SLC26A7: variants seen among roughly 807,000 people sequenced by gnomAD.
The protein encoded by SLC26A7 is solute carrier family 26 member 7.
Under a neutral mutation model 82.5 loss-of-function variants are expected in SLC26A7, and 59 were observed. That is an observed-to-expected ratio of 0.72 (90% CI 0.58 to 0.89). The LOEUF (loss-of-function observed/expected upper bound fraction) is 0.89. Among genes scored for constraint, SLC26A7 ranks in the 40% least tolerant of loss-of-function variants. The pLI is 0.00. For missense variants in SLC26A7, 820 were observed against 793.0 expected, an observed-to-expected ratio of 1.03 and a Z score of -0.41; for synonymous variants, 271 against 274.3, an observed-to-expected ratio of 0.99 and a Z score of 0.12.
At chr8:91,385,166 A>G (rs1814767679) in intron 15 of SLC26A7, among the ~76,000 whole-genome samples, 2 of 152,086 alleles carry the variant, frequency 1.3e-5, no homozygotes, top group South Asian at 4.2e-4. Context: ...AAAGCCCATC[A>G]TTTACCACAT....
At chr8:91,383,299 A>G (rs1414981454) in intron 15 of SLC26A7, among the ~76,000 whole-genome samples, 2 of 152,166 alleles carry the variant, frequency 1.3e-5, no homozygotes, top group Non-Finnish European at 2.9e-5. Flanking sequence ...CAAACTGGGA[A>G]TAATAGGGAA....
At chr8:91,342,864 A>T (rs184928767) in intron 8 of SLC26A7, among the ~76,000 whole-genome samples, 78 of 152,216 alleles carry the variant, frequency 5.1e-4, no homozygotes, top group African/African-American at 1.7e-3. Context: ...AAAGAACCAC[A>T]AAAGGCATTA....
chr8:91,366,521 T>C, intron 13 of SLC26A7, 59 bp from the exon 14 acceptor site: 1 of 1,559,614 alleles, frequency 6.4e-7, no homozygotes, highest in South Asian at 1.2e-5. Context: ...TTAGATCTGA[T>C]TGTTTATTGG....
chr8:91,360,890 T>C (rs1814031223), intron 11 of SLC26A7, among the ~76,000 whole-genome samples: 1 of 152,120 alleles, frequency 6.6e-6, no homozygotes, highest in South Asian at 2.1e-4. Flanking sequence ...AGCCTTGTTT[T>C]GTATATGATT....
intron 15 of SLC26A7, among the ~76,000 whole-genome samples, chr8:91,376,543 G>A (rs1044664171): frequency 1.2e-4 from 19 of 152,164 alleles, no homozygotes; most frequent in African/African-American, 4.1e-4. Context: ...GATGCTGCCT[G>A]TTGTAGTGAT....
chr8:91,233,433 G>A (rs568871357), intron 2 of SLC26A7, among the ~76,000 whole-genome samples: 4 of 152,110 alleles, frequency 2.6e-5, no homozygotes, highest in South Asian at 4.2e-4. Context: ...TGGGCATGGC[G>A]GCACACACCT....
chr8:91,393,626 C>G (rs1241262874), intron 16 of SLC26A7, among the ~76,000 whole-genome samples, 171 bp from the exon 17 acceptor site: 1 of 152,108 alleles, frequency 6.6e-6, no homozygotes, highest in Non-Finnish European at 1.5e-5. Flanking sequence ...TAATCTTAGT[C>G]TTTTAGACGC....
intron 2 of SLC26A7, among the ~76,000 whole-genome samples, chr8:91,232,817 C>T (rs13252561): frequency 0.5 from 75,942 of 152,054 alleles, 20,405 homozygotes; most frequent in South Asian, 0.7. Context: ...TCAATCTAAA[C>T]AAAATGTTGC....
rs398008754 is a variant in SLC26A7, at chr8:91,391,815, T to TTTA, written c.1777-1982_1777-1981insTTA. ...AGAAACACTAGGATTTTTTTTTTTT[T>TTTA]AAACTGGGAAAGGCCAGTATGGTTT... On this transcript the variant is annotated intron_variant, in intron 16 of 18. Coordinates refer to ENST00000276609, the MANE Select transcript of SLC26A7 (RefSeq NM_052832.4). 4.8e-3 allele frequency among the ~76,000 whole-genome samples: 736 copies of TTTA among 151,920 alleles called. 8 individuals carry two copies. Among genetic ancestry groups the TTTA allele is most frequent in the African/African-American group, 0.016 (676 of 41,476 alleles).
At chr8:91,317,074 C>A (rs1343417000) in intron 4 of SLC26A7, among the ~76,000 whole-genome samples, 1 of 138,916 alleles carries the variant, frequency 7.2e-6, no homozygotes, top group African/African-American at 2.7e-5. Flanking sequence ...ATGGGAGGAT[C>A]ACTTGAGCCT....
intron 11 of SLC26A7, among the ~76,000 whole-genome samples, chr8:91,356,242 C>T (rs1387797573): frequency 6.6e-6 from 1 of 152,100 alleles, no homozygotes; most frequent in Admixed American, 6.5e-5. Flanking sequence ...TGGTATATAC[C>T]CAGTAATGGG....
intron 2 of SLC26A7, among the ~76,000 whole-genome samples, chr8:91,268,289 A>G (rs1323493763): frequency 6.6e-6 from 1 of 151,806 alleles, no homozygotes; most frequent in African/African-American, 2.4e-5. Flanking sequence ...ATTTATTAAT[A>G]TTTGATTTAT....
intron 2 of SLC26A7, among the ~76,000 whole-genome samples, chr8:91,265,787 T>G (rs1229612570): frequency 2.0e-5 from 3 of 151,924 alleles, no homozygotes; most frequent in Non-Finnish European, 4.4e-5. Context: ...CTTTCTAGTT[T>G]TTTTGGTTTT....
chr8:91,288,320 G>A (rs1055142951), intron 2 of SLC26A7, among the ~76,000 whole-genome samples: 41 of 152,026 alleles, frequency 2.7e-4, no homozygotes, highest in African/African-American at 6.0e-4. Context: ...TGAATTTGTC[G>A]TTCCAAGGAT....
At chr8:91,320,464 G>A (rs540621700) in intron 5 of SLC26A7, among the ~76,000 whole-genome samples, 2 of 152,180 alleles carry the variant, frequency 1.3e-5, no homozygotes, top group Non-Finnish European at 2.9e-5. Flanking sequence ...GCTGTTAGGT[G>A]GGAATGGTGC....
chr8:91,369,683 G>A (rs1814299145), intron 14 of SLC26A7, 102 bp from the exon 15 acceptor site: 2 of 837,484 alleles, frequency 2.4e-6, no homozygotes, highest in East Asian at 3.0e-5. Flanking sequence ...TTGGAGATGA[G>A]TTTTTTTGTT....
intron 16 of SLC26A7, among the ~76,000 whole-genome samples, chr8:91,392,869 AATC>A (rs1302116534): frequency 6.6e-6 from 1 of 152,194 alleles, no homozygotes; most frequent in Non-Finnish European, 1.5e-5. Flanking sequence ...ACCTTGAATT[AATC>A]ATTTTAACTT....
chr8:91,366,781 A>G lies in SLC26A7; in HGVS notation c.1626+64A>G, dbSNP rs148713140. 1.6e-4 allele frequency: 237 copies of G among 1,523,970 alleles called. No individual in the cohort carries two copies. In the East Asian group the frequency reaches 3.2e-3, roughly 21 times the overall value. 94.4% of individuals were successfully genotyped at this position (1,523,970 alleles called of 1,614,324 possible). On this transcript the variant is annotated intron_variant, in intron 14 of 18. Transcript: ENST00000276609. ...TAGCCTTATATCATGACAATAAAAC[A>G]TGTATCAAGTAAATAATAATACATC...
At chr8:91,353,054 T>G in intron 11 of SLC26A7, 58 bp downstream of exon 11, 1 of 1,104,824 alleles carries the variant, frequency 9.1e-7, no homozygotes, top group Non-Finnish European at 1.3e-6. Flanking sequence ...TGTTACCAAA[T>G]ATGCACTAAT....
Sources: gnomAD v4.1 joint callset for allele counts (sites outside exome capture counted in the v4.1 genomes callset) on GRCh38, gnomAD v4.1.1 for gene constraint, MANE v1.5 for transcripts, NCBI Gene and HGNC (gene_info 2026-07-23, HGNC 2026-07-21) for gene names.